Variants in C9 observed in about 807,000 individuals in gnomAD.
The protein encoded by C9 is complement component C9.
In C9, 63 loss-of-function variants were observed where a neutral mutation model predicts 65.4. The ratio of observed to expected loss-of-function variants is 0.96; its 90% CI spans 0.79 to 1.19. C9 has a LOEUF of 1.19. C9 is among the 50% of genes most tolerant of loss of function. The probability of loss-of-function intolerance (pLI) is 0.00; values close to 1 mark genes in which losing one functional copy is unlikely to be tolerated. For missense variants in C9, 744 were observed against 670.1 expected (o/e 1.11, Z -1.22); for synonymous variants, 229 against 227.9 (o/e 1.00, Z -0.04).
At chr5:39,331,376 T>C (rs777569014) in intron 5 of C9, among the ~76,000 whole-genome samples, 13 of 152,150 alleles carry the variant, frequency 8.5e-5, no homozygotes, top group Non-Finnish European at 1.6e-4. Flanking sequence ...ACGTAAGCAG[T>C]GTTATCACTA....
chr5:39,347,576 G>A (rs373124721), intron 1 of C9, among the ~76,000 whole-genome samples: 82 of 152,248 alleles, frequency 5.4e-4, no homozygotes, highest in Middle Eastern at 3.4e-3. Flanking sequence ...AATCAATATC[G>A]TGAAAATGGC....
intron 3 of C9, 102 bp downstream of exon 3, chr5:39,341,454 C>T (rs1230625932): frequency 2.3e-5 from 34 of 1,494,882 alleles, no homozygotes; most frequent in East Asian, 4.5e-5. Flanking sequence ...GGGCCTTTCA[C>T]GCTTGGAAAT....
intron 1 of C9, among the ~76,000 whole-genome samples, chr5:39,355,248 C>A (rs1160499097): frequency 6.6e-6 from 1 of 152,150 alleles, no homozygotes; most frequent in Non-Finnish European, 1.5e-5. Flanking sequence ...TGCAAATACT[C>A]CAGAGTGAGT....
intron 1 of C9, among the ~76,000 whole-genome samples, chr5:39,350,515 A>G (rs1458628251): frequency 6.6e-6 from 1 of 152,176 alleles, no homozygotes; most frequent in African/African-American, 2.4e-5. Context: ...TCTGCCTATG[A>G]GCCTGTAAAA....
chr5:39,311,890 A>G (rs1446079875), intron 6 of C9, among the ~76,000 whole-genome samples: 1 of 152,234 alleles, frequency 6.6e-6, no homozygotes, highest in African/African-American at 2.4e-5. Flanking sequence ...CAACATAAAT[A>G]AATCTCAAAA....
chr5:39,336,462 C>T (rs779287007), intron 4 of C9, among the ~76,000 whole-genome samples: 6 of 151,882 alleles, frequency 4.0e-5, no homozygotes, highest in Non-Finnish European at 5.9e-5. Context: ...ACTCTTTGAC[C>T]ATAGGGTCTA....
At chr5:39,297,620 T>C (rs532843264) in intron 9 of C9, among the ~76,000 whole-genome samples, 26 of 151,748 alleles carry the variant, frequency 1.7e-4, no homozygotes, top group African/African-American at 5.5e-4. Flanking sequence ...TAACAAATAA[T>C]ATTGTTAGGA....
At position 39,285,144 on chromosome 5, in the gene C9, A is replaced by G; in HGVS notation, c.*55T>C. 2 of 1,398,512 alleles carry G rather than the reference A, an allele frequency of 1.4e-6. No individual in the cohort carries two copies. Among genetic ancestry groups the G allele is most frequent in the East Asian group, 2.3e-5 (1 of 43,882 alleles). 86.6% of individuals were successfully genotyped at this position (1,398,512 alleles called of 1,614,324 possible). ...AGCTAAGATTATCTTCAGGGGTAGGATCTGAAGGTACTAGTGTTTTCTTCT... is the reference window on the plus strand; with the variant it reads ...AGCTAAGATTATCTTCAGGGGTAGGGTCTGAAGGTACTAGTGTTTTCTTCT... On this transcript the variant is annotated 3_prime_UTR_variant, in exon 11 of 11. Coordinates refer to ENST00000263408, the MANE Select transcript of C9 (RefSeq NM_001737.5).
intron 1 of C9, among the ~76,000 whole-genome samples, chr5:39,353,857 G>T (rs1353287919): frequency 6.6e-6 from 1 of 151,266 alleles, no homozygotes; most frequent in Non-Finnish European, 1.5e-5. Flanking sequence ...CTCAGGAAGG[G>T]TTTTTTTTTA....
At chr5:39,291,871 A>G (rs747960178) in intron 9 of C9, among the ~76,000 whole-genome samples, 40 of 151,884 alleles carry the variant, frequency 2.6e-4, no homozygotes, top group Non-Finnish European at 5.3e-4. Context: ...AAAGGGTGGT[A>G]GAAATTAGCC....
intron 5 of C9, among the ~76,000 whole-genome samples, chr5:39,323,953 A>G (rs1205310496): frequency 6.6e-6 from 1 of 152,222 alleles, no homozygotes; most frequent in African/African-American, 2.4e-5. Context: ...TGTTAGAACT[A>G]ACAAATTCAG....
intron 1 of C9, among the ~76,000 whole-genome samples, chr5:39,358,753 A>G (rs961442815): frequency 6.6e-6 from 1 of 152,060 alleles, no homozygotes; most frequent in Admixed American, 6.6e-5. Flanking sequence ...TGGGAGGCCA[A>G]GGCGGGTGGA....
intron 5 of C9, among the ~76,000 whole-genome samples, chr5:39,321,158 C>G (rs1257828956): frequency 6.6e-6 from 1 of 151,834 alleles, no homozygotes; most frequent in Non-Finnish European, 1.5e-5. Flanking sequence ...TGATGATGTA[C>G]AAATCAAGTA....
chr5:39,320,340 C>A (rs1753644842), intron 5 of C9, among the ~76,000 whole-genome samples: 1 of 151,682 alleles, frequency 6.6e-6, no homozygotes, highest in African/African-American at 2.4e-5. Context: ...CACAAACAAC[C>A]AAATTTAGGG....
chr5:39,335,794 T>A (rs1212704294), intron 4 of C9, among the ~76,000 whole-genome samples: 2 of 151,844 alleles, frequency 1.3e-5, no homozygotes, highest in African/African-American at 4.8e-5. Context: ...CATGGGAGGG[T>A]CATTAAAAGA....
intron 10 of C9, among the ~76,000 whole-genome samples, chr5:39,286,862 G>T (rs1752999929): frequency 6.6e-6 from 1 of 151,908 alleles, no homozygotes; most frequent in Non-Finnish European, 1.5e-5. Context: ...GAGTTTCTAA[G>T]CCATTTGCTG....
rs148773888 is a variant in C9, at chr5:39,357,022, C to T, written c.77+7366G>A. On this transcript the variant is annotated intron_variant, in intron 1 of 10. Transcript: ENST00000263408. ...TCACTTCCTAGATCAAAGTGATGTA[C>T]ATCAACATGGCAGGAGATCTACCTC... Among the ~76,000 whole-genome samples the T allele has an allele frequency of 2.0e-5, 3 of 152,262 alleles. No individual in the cohort carries two copies. The East Asian group carries it at 5.8e-4, about 29-fold the overall frequency.
intron 1 of C9, among the ~76,000 whole-genome samples, chr5:39,363,809 A>G (rs144441852): frequency 0.014 from 2,122 of 152,366 alleles, 34 homozygotes; most frequent in African/African-American, 0.045. Flanking sequence ...GAGAAAAAGT[A>G]TCTTTGGTAG....
At chr5:39,329,375 T>C (rs1002269180) in intron 5 of C9, among the ~76,000 whole-genome samples, 27 of 152,334 alleles carry the variant, frequency 1.8e-4, no homozygotes, top group Non-Finnish European at 1.5e-4. Context: ...GTTTCACATA[T>C]TTAGACCCAT....
Sources: allele counts gnomAD v4.1 joint callset (sites outside exome capture counted in the v4.1 genomes callset), GRCh38; gene constraint gnomAD v4.1.1; transcripts MANE v1.5; gene names NCBI Gene and HGNC (gene_info 2026-07-23, HGNC 2026-07-21).